ULBP3: variants seen among roughly 807,000 people sequenced by gnomAD.
ULBP3 encodes the protein UL16-binding protein 3.
Under a neutral mutation model 24.9 loss-of-function variants are expected in ULBP3, and 25 were observed. The ratio of observed to expected loss-of-function variants is 1.00; its 90% CI spans 0.73 to 1.40. The LOEUF (loss-of-function observed/expected upper bound fraction) is 1.40, where lower values mean the gene tolerates loss of function less well. ULBP3 is among the 40% of genes most tolerant of loss of function. The probability of loss-of-function intolerance (pLI) is 0.00; values close to 1 mark genes in which losing one functional copy is unlikely to be tolerated. For synonymous variants in ULBP3, 114 were observed against 114.7 expected, an observed-to-expected ratio of 0.99 and a Z score of 0.04; for missense variants, 306 against 307.5, an observed-to-expected ratio of 1.00 and a Z score of 0.04.
In ULBP3 at chr6:150,065,678, C is replaced by T. The variant is rs1346025672; in HGVS notation, c.353-5G>A. ...TGACCTGCAGCGTGAGGGGTCCTGC[C>T]CCAATCAGAAAGAGATCAGCCCTGG... On this transcript the variant is annotated splice_region_variant and splice_polypyrimidine_tract_variant and intron_variant, in intron 2 of 4. Transcript: ENST00000367339. 4 of 1,613,882 alleles carry T rather than the reference C, an allele frequency of 2.5e-6. No individual in the cohort carries two copies. The highest frequency in any genetic ancestry group is 3.4e-6 in the Non-Finnish European group (4 of 1,179,808).
Position 150,066,016 on chromosome 6 carries a change from C to CT in ULBP3, c.234dup (p.Glu79ArgfsTer30). The stretch of plus-strand genomic sequence containing the variant: ...GCATCTGTGGCATACAGCTGCTCTT[C>CT]TAGGTGACCCATAGATAAGACCTTG... On this transcript the variant is annotated frameshift_variant, in exon 2 of 5. Transcript: ENST00000367339. LOFTEE classifies it high-confidence loss of function. The CT allele has an allele frequency of 6.2e-7, 1 of 1,614,260 alleles. No homozygotes were observed. The highest frequency in any genetic ancestry group is 1.1e-5 in the South Asian group (1 of 91,090).
chr6:150,063,725 C>T (rs1157523342), intron 4 of ULBP3, among the ~76,000 whole-genome samples: 2 of 152,202 alleles, frequency 1.3e-5, no homozygotes, highest in Non-Finnish European at 2.9e-5. Context: ...GTAGGCAAAC[C>T]TTCTTTCTCC....
At chr6:150,067,505 T>C (rs1322604125) in intron 1 of ULBP3, among the ~76,000 whole-genome samples, 3 of 152,236 alleles carry the variant, frequency 2.0e-5, no homozygotes, top group Non-Finnish European at 2.9e-5. Context: ...GATGGACTTC[T>C]GTGTCAGGTC....
At chr6:150,068,930 C>T (rs114965912) in intron 1 of ULBP3, 49 bp downstream of exon 1, 1 of 1,535,858 alleles carries the variant, frequency 6.5e-7, no homozygotes, top group South Asian at 1.2e-5. Context: ...CAGTCCACAG[C>T]CCCCCAGGTT....
In ULBP3 at chr6:150,062,236, C is replaced by T. The variant is rs1178238227; in HGVS notation, c.*1138G>A. Among the ~76,000 whole-genome samples, 3 of 152,142 alleles carry T rather than the reference C, an allele frequency of 2.0e-5. No homozygotes were observed. The highest frequency in any genetic ancestry group is 4.4e-5 in the Non-Finnish European group (3 of 68,040). On this transcript the variant is annotated 3_prime_UTR_variant, in exon 5 of 5. Transcript: ENST00000367339. ...AGAAGCTCTTTAGTTTAATGAGGTC[C>T]CATTTGTCAATTTTTGTTTTTGTTA...
intron 4 of ULBP3, 136 bp from the exon 5 acceptor site, chr6:150,063,487 C>A: frequency 5.7e-6 from 2 of 349,138 alleles, no homozygotes; most frequent in Non-Finnish European, 8.1e-6. Context: ...TCCAACCCTA[C>A]CCCTGGCTGT....
At chr6:150,067,827 T>C (rs1403791033) in intron 1 of ULBP3, among the ~76,000 whole-genome samples, 2 of 152,144 alleles carry the variant, frequency 1.3e-5, no homozygotes, top group Admixed American at 1.3e-4. Flanking sequence ...AACCACAGAA[T>C]CCAACAGGGT....
chr6:150,064,518 TCTC>T, intron 4 of ULBP3, 64 bp downstream of exon 4: 1 of 1,434,854 alleles, frequency 7.0e-7, no homozygotes, highest in Non-Finnish European at 9.8e-7. Flanking sequence ...CTCTGGAAAT[TCTC>T]CTTTCCCTTC....
chr6:150,064,577 C>A lies in ULBP3; in HGVS notation c.*22+8G>T, dbSNP rs750684616. Reference sequence around the variant, plus strand: ...CTCTCGTTCCCCTCACAGTTTTGCCCACAGTACCTGTCACTCTAAATGACT... The same window carrying A: ...CTCTCGTTCCCCTCACAGTTTTGCCAACAGTACCTGTCACTCTAAATGACT... On this transcript the variant is annotated splice_region_variant and intron_variant, in intron 4 of 4. Coordinates refer to ENST00000367339, the MANE Select transcript of ULBP3 (RefSeq NM_024518.3). 5 of 1,611,962 alleles carry A rather than the reference C, an allele frequency of 3.1e-6. No individual in the cohort carries two copies. In the Middle Eastern group the frequency reaches 5.0e-4, roughly 160 times the overall value.
At chr6:150,065,763 T>C in intron 2 of ULBP3, 90 bp from the exon 3 acceptor site, 1 of 1,581,074 alleles carries the variant, frequency 6.3e-7, no homozygotes, top group Non-Finnish European at 8.6e-7. Flanking sequence ...TCTCATCTGG[T>C]CCTGTTGTCT....
chr6:150,061,154 G>C lies in ULBP3; in HGVS notation c.*2220C>G, dbSNP rs1316360242. 6.6e-6 allele frequency among the ~76,000 whole-genome samples: 1 copy of C among 152,082 alleles called. No homozygotes were observed. Among genetic ancestry groups the C allele is most frequent in the Non-Finnish European group, 1.5e-5 (1 of 68,016 alleles). On this transcript the variant is annotated 3_prime_UTR_variant, in exon 5 of 5. Transcript: ENST00000367339. The stretch of plus-strand genomic sequence containing the variant: ...AACTTACGATTATTTTAAATGACTA[G>C]AGTTTAGTTTTTGATCTGGGTTAGC...
chr6:150,063,579 C>A (rs1366883387), intron 4 of ULBP3, among the ~76,000 whole-genome samples: 2 of 152,208 alleles, frequency 1.3e-5, no homozygotes, highest in Non-Finnish European at 2.9e-5. Flanking sequence ...GGGCTCAGAC[C>A]TGAGGCTGGT....
chr6:150,067,108 C>T (rs947932594), intron 1 of ULBP3, among the ~76,000 whole-genome samples: 4 of 152,120 alleles, frequency 2.6e-5, no homozygotes, highest in Admixed American at 6.5e-5. Context: ...GGAGACTCCA[C>T]CCGGATACTA....
rs576409691 is a variant in ULBP3 at position 150,065,313 on chromosome 6, A to G, written c.628+85T>C. On this transcript the variant is annotated intron_variant, in intron 3 of 4. Transcript: ENST00000367339. ...CACACCCACTCACACCCATACACCC[A>G]CACCCACCATACTCAGACACTGACA... 7.9e-5 allele frequency: 124 copies of G among 1,566,212 alleles called. No homozygotes were observed. The East Asian group carries it at 2.3e-3, about 29-fold the overall frequency.
At chr6:150,064,448 GGTCTCATTCACCT>G (rs1166965041) in intron 4 of ULBP3, 124 bp downstream of exon 4, 1 of 753,690 alleles carries the variant, frequency 1.3e-6, no homozygotes, top group African/African-American at 1.7e-5. Flanking sequence ...GGCGACACCA[GGTCTCATTCACCT>G]GTCTCATGTC....
chr6:150,069,060 C>T lies in ULBP3; in HGVS notation c.7G>A (p.Ala3Thr). 1 of 1,611,472 alleles carries T rather than the reference C, an allele frequency of 6.2e-7. No individual in the cohort carries two copies. The highest frequency in any genetic ancestry group is 8.5e-7 in the Non-Finnish European group (1 of 1,179,220). The change falls in exon 1 of 5, where the codon GCG becomes ACG. Residue 3 changes from alanine to threonine, a missense_variant. By Grantham distance (58) the Ala-to-Thr change is moderately conservative. Transcript: ENST00000367339. ...GGAAGGATCGCGGGGCTGGCGGCCG[C>T]TGCCATTGTAGACCAGGAGCGCCCG... MAAAASPAILPRL... is the reference protein window; with the variant it reads MATAASPAILPRL...
rs575599309 is a variant in ULBP3, at chr6:150,068,844, CG to C, written c.88+134del. On this transcript the variant is annotated intron_variant, in intron 1 of 4. Transcript: ENST00000367339. Reference sequence around the variant, plus strand: ...GACCTGGCGAAAAAGAGCAGCGAATCGGAACTGAGCGTGGGGGCAGTCCGGG... The same window carrying C: ...GACCTGGCGAAAAAGAGCAGCGAATCGAACTGAGCGTGGGGGCAGTCCGGG... The C allele has an allele frequency of 9.0e-4, 821 of 913,722 alleles. 7 individuals carry two copies. The African/African-American group carries it at 0.013, about 14-fold the overall frequency. 56.6% of individuals were successfully genotyped at this position (913,722 alleles called of 1,614,324 possible).
chr6:150,064,209 A>G (rs557461727), intron 4 of ULBP3, among the ~76,000 whole-genome samples: 41 of 151,236 alleles, frequency 2.7e-4, no homozygotes, highest in Non-Finnish European at 4.3e-4. Context: ...TGGCCATGCT[A>G]CTCCTCTCCT....
At chr6:150,068,142 A>C (rs1582867197) in intron 1 of ULBP3, among the ~76,000 whole-genome samples, 1 of 151,228 alleles carries the variant, frequency 6.6e-6, no homozygotes, top group South Asian at 2.1e-4. Context: ...ACATGGCTAC[A>C]CCCCCCCACC....
Sources: gnomAD v4.1 joint callset for allele counts (sites outside exome capture counted in the v4.1 genomes callset) on GRCh38, gnomAD v4.1.1 for gene constraint, MANE v1.5 for transcripts, NCBI Gene and HGNC (gene_info 2026-07-23, HGNC 2026-07-21) for gene names.